The following DDX54 variants were observed in gnomAD, a reference collection of about 807,000 sequenced individuals.
DDX54 encodes ATP-dependent RNA helicase DDX54.
A neutral mutation model predicts 105.5 loss-of-function variants in DDX54; 67 were observed. That is an observed-to-expected ratio of 0.64 (90% CI 0.52 to 0.78). DDX54 has a LOEUF of 0.78. DDX54 is among the 30% of genes least tolerant of loss of function. The pLI is 0.00. For synonymous variants in DDX54, 514 were observed against 509.9 expected, an observed-to-expected ratio of 1.01 and a Z score of -0.11; for missense variants, 1,206 against 1,230.5, an observed-to-expected ratio of 0.98 and a Z score of 0.30.
At chr12:113,177,635 A>G (rs575936395) in intron 5 of DDX54, among the ~76,000 whole-genome samples, 7 of 152,308 alleles carry the variant, frequency 4.6e-5, no homozygotes, top group Admixed American at 3.9e-4. Flanking sequence ...AAGGCACTGA[A>G]AAGCAAACTC....
intron 14 of DDX54, 111 bp from the exon 15 acceptor site, chr12:113,164,396 C>T: frequency 7.7e-7 from 1 of 1,303,352 alleles, no homozygotes; most frequent in Non-Finnish European, 1.0e-6. Context: ...CCCCAGTGTC[C>T]ATTATCTGCA....
chr12:113,174,989 GCCCCAGCCTGACCCCCAGC>G (rs1335448877), intron 8 of DDX54, 28 bp downstream of exon 8: 2 of 1,610,392 alleles, frequency 1.2e-6, no homozygotes, highest in Non-Finnish European at 1.7e-6. Context: ...TGGCCCCCAG[GCCCCAGCCTGACCCCCAGC>G]CCCCATCTCC....
intron 19 of DDX54, among the ~76,000 whole-genome samples, chr12:113,160,782 C>T (rs1458997899): frequency 1.3e-5 from 2 of 152,216 alleles, no homozygotes; most frequent in African/African-American, 2.4e-5. Context: ...CTAAAAAGAA[C>T]GTCACTCCTA....
At chr12:113,179,768 G>A (rs1051965049) in intron 3 of DDX54, among the ~76,000 whole-genome samples, 167 bp downstream of exon 3, 1 of 152,280 alleles carries the variant, frequency 6.6e-6, no homozygotes, top group African/African-American at 2.4e-5. Flanking sequence ...TGCTCGGCTC[G>A]GCCCAACCTT....
In DDX54 at chr12:113,158,822, C is replaced by G. The variant is rs540550540; in HGVS notation, c.*55G>C. ...GGCACACAGTGGTGCACGGGAACGT[C>G]TGCTGATGCCCACCCTAAGGCCAAT... On this transcript the variant is annotated 3_prime_UTR_variant, in exon 20 of 20. Coordinates refer to ENST00000306014, the MANE Select transcript of DDX54 (RefSeq NM_024072.4). This position sits in a 1 kb window ranked among gnomAD's most constrained non-coding sequence, Gnocchi z 4.9. The G allele has an allele frequency of 4.7e-5, 72 of 1,524,124 alleles. No individual in the cohort carries two copies. The highest frequency in any genetic ancestry group is 1.4e-4 in the Admixed American group (7 of 51,476). The allele number at this position is 1,524,124 out of a possible 1,614,324, so 94.4% of individuals were successfully genotyped here. A position where few individuals can be genotyped will look rare whatever the true frequency, so the allele number is the denominator to read the frequency against.
intron 1 of DDX54, among the ~76,000 whole-genome samples, chr12:113,183,006 C>T (rs1349081799): frequency 2.0e-5 from 3 of 151,832 alleles, no homozygotes; most frequent in African/African-American, 2.4e-5. Context: ...TACAGGCACA[C>T]ACCACCATGC....
Position 113,164,164 on chromosome 12 carries a change from T to TGCTCCTGCC in DDX54, c.1832_1840dup (p.Arg611_Glu613dup). On this transcript the variant is annotated inframe_insertion, in exon 15 of 20. Coordinates refer to ENST00000306014, the MANE Select transcript of DDX54 (RefSeq NM_024072.4). ...GGCTGGGCCCACTGGGCCCTCCTGC[T>TGCTCCTGCC]GCTCCTGCCGCCCCTGCTGTCCCTG... is the stretch of plus-strand genomic sequence containing the variant. 6.4e-7 allele frequency: 1 copy of TGCTCCTGCC among 1,556,706 alleles called. No homozygotes were observed. The highest frequency in any genetic ancestry group is 8.7e-7 in the Non-Finnish European group (1 of 1,151,166).
chr12:113,163,691 TGA>T lies in DDX54; in HGVS notation c.1938+374_1938+375del, dbSNP rs1206473929. ...CTGAACCCTCTGTCCAAACAAAACA[TGA>T]GAGAGGGACATCCTGGGGGACGCAC... On this transcript the variant is annotated intron_variant, in intron 15 of 19. Coordinates refer to ENST00000306014, the MANE Select transcript of DDX54 (RefSeq NM_024072.4). The surrounding 1 kb of genome is among the most constrained non-coding windows in gnomAD (Gnocchi z 5.9). Among the ~76,000 whole-genome samples the T allele has an allele frequency of 1.3e-5, 2 of 151,950 alleles. No individual in the cohort carries two copies. The highest frequency in any genetic ancestry group is 1.3e-4 in the Admixed American group (2 of 15,262).
At chr12:113,182,159 A>G (rs1952475500) in intron 1 of DDX54, among the ~76,000 whole-genome samples, 1 of 152,184 alleles carries the variant, frequency 6.6e-6, no homozygotes, top group Non-Finnish European at 1.5e-5. Context: ...TCCATTTTAC[A>G]GAGAAGAAAA....
At position 113,174,785 on chromosome 12, in the gene DDX54, G is replaced by GCAT. The variant is rs755872485; in HGVS notation, c.937-17_937-15dup. The stretch of plus-strand genomic sequence containing the variant: ...GAAGAAGGAGGTCTGTGGGGAGAGG[G>GCAT]CATCACGTGTTGGCTTACGGGGTCC... On this transcript the variant is annotated splice_polypyrimidine_tract_variant and intron_variant, in intron 9 of 19. Transcript: ENST00000306014. The GCAT allele has an allele frequency of 6.2e-7, 1 of 1,614,114 alleles. No homozygotes were observed. The highest frequency in any genetic ancestry group is 8.5e-7 in the Non-Finnish European group (1 of 1,179,954).
chr12:113,179,056 AG>A, intron 4 of DDX54, 30 bp from the exon 5 acceptor site: 9 of 1,613,942 alleles, frequency 5.6e-6, no homozygotes, highest in Non-Finnish European at 7.6e-6. Flanking sequence ...GAGAGAGGGC[AG>A]GGGTGAGATG....
intron 1 of DDX54, among the ~76,000 whole-genome samples, chr12:113,184,922 A>G (rs1016099671): frequency 1.3e-5 from 2 of 152,176 alleles, no homozygotes; most frequent in African/African-American, 4.8e-5. Context: ...CCTCCCAAGA[A>G]CGCTCCAAAC....
intron 7 of DDX54, among the ~76,000 whole-genome samples, chr12:113,176,475 G>A (rs1952405192): frequency 6.6e-6 from 1 of 152,142 alleles, no homozygotes; most frequent in South Asian, 2.1e-4. Context: ...GCTAAGGCAG[G>A]AGAATCACTA....
Position 113,179,206 on chromosome 12 carries a change from G to C in DDX54, c.501C>G (p.Ala167=), listed in dbSNP as rs746598689. ...RLKTHSAQTG[A]RALILSPTRE... ...GGGTCGGCGAGAGGATGAGGGCGCG[G>C]GCCCCGGTCTGGGCACTGTGGGTCT... is the stretch of plus-strand genomic sequence containing the variant. Residue 167 remains alanine, a synonymous_variant, in exon 4 of 20, where the codon GCC becomes GCG. Coordinates refer to ENST00000306014, the MANE Select transcript of DDX54 (RefSeq NM_024072.4). 6.2e-7 allele frequency: 1 copy of C among 1,614,152 alleles called. No individual in the cohort carries two copies. The highest frequency in any genetic ancestry group is 2.2e-5 in the East Asian group (1 of 44,880).
At position 113,163,008 on chromosome 12, in the gene DDX54, G is replaced by A. The variant is rs1165304399; in HGVS notation, c.2119C>T (p.Gln707Ter). Residue 707 changes from glutamine to a stop codon, truncating the protein, a stop_gained, in exon 17 of 20, where the codon CAG becomes TAG. Transcript: ENST00000306014. LOFTEE classifies it high-confidence loss of function. This position sits in a 1 kb window ranked among gnomAD's most constrained non-coding sequence, Gnocchi z 5.9. ...AAGTCCAGGACAGCGCCAGCTGCCT[G>A]CTGCTCAAAGGCTCCCCCTTCCCCG... ...ISGEGGAFEQ[Q>*]AAGAVLDLMG... The A allele has an allele frequency of 1.9e-6, 3 of 1,609,608 alleles. No individual in the cohort carries two copies. Among genetic ancestry groups the A allele is most frequent in the Non-Finnish European group, 1.7e-6 (2 of 1,179,816 alleles).
intron 8 of DDX54, 42 bp downstream of exon 8, chr12:113,174,994 A>G: frequency 1.3e-6 from 2 of 1,596,196 alleles, no homozygotes; most frequent in South Asian, 2.2e-5. Context: ...CCCAGGCCCC[A>G]GCCTGACCCC....
chr12:113,185,109 C>G (rs115324905), intron 1 of DDX54, among the ~76,000 whole-genome samples, 169 bp downstream of exon 1: 1,618 of 151,880 alleles, frequency 0.011, 32 homozygotes, highest in African/African-American at 0.037. Context: ...GCCTGACAAG[C>G]CCCGAGACAC....
intron 2 of DDX54, among the ~76,000 whole-genome samples, chr12:113,180,494 C>A (rs1041699043): frequency 1.5e-4 from 23 of 152,140 alleles, no homozygotes; most frequent in African/African-American, 5.6e-4. Flanking sequence ...CCTCCCCAAA[C>A]GCTAAGATTA....
intron 11 of DDX54, 100 bp downstream of exon 11, chr12:113,172,253 G>A (rs1952349024): frequency 3.7e-6 from 5 of 1,358,014 alleles, no homozygotes; most frequent in Admixed American, 4.1e-5. Flanking sequence ...AAGGCCCACA[G>A]CCACCCCATG....
Sources: allele counts gnomAD v4.1 joint callset (sites outside exome capture counted in the v4.1 genomes callset), GRCh38; gene constraint gnomAD v4.1.1; non-coding constraint Gnocchi (gnomAD v3.1); transcripts MANE v1.5; gene names NCBI Gene and HGNC (gene_info 2026-07-23, HGNC 2026-07-21).